The following ROR2 variants were observed in gnomAD, a reference collection of about 807,000 sequenced individuals.
The protein encoded by ROR2 is tyrosine-protein kinase transmembrane receptor ROR2.
ROR2 carries 33 observed loss-of-function variants against 74.9 expected under a neutral mutation model. The ratio of observed to expected loss-of-function variants is 0.44; its 90% CI spans 0.33 to 0.59. The LOEUF is 0.59. Ranked by LOEUF, ROR2 falls within the 20% of genes least tolerant of loss-of-function variation. The pLI is 0.02. For missense variants in ROR2, 1,216 were observed against 1,313.8 expected, an observed-to-expected ratio of 0.93 and a Z score of 1.15; for synonymous variants, 586 against 558.7, an observed-to-expected ratio of 1.05 and a Z score of -0.69.
rs73654048 is a variant in ROR2 at position 91,733,458 on chromosome 9, C to T, written c.623-22G>A. 4.3e-3 allele frequency: 6,911 copies of T among 1,603,962 alleles called. 263 individuals are homozygous for T. In the African/African-American group the frequency reaches 0.078, roughly 18 times the overall value. On this transcript the variant is annotated intron_variant, in intron 5 of 8. Coordinates refer to ENST00000375708, the MANE Select transcript of ROR2 (RefSeq NM_004560.4). The surrounding 1 kb of genome is among the most constrained non-coding windows in gnomAD (Gnocchi z 5.7). ...GCCGCTGCAGAGCCCGCGAGACTCGCGTTAGCGGGGGACCCACCTTGCGCC... is the reference window on the plus strand; with the variant it reads ...GCCGCTGCAGAGCCCGCGAGACTCGTGTTAGCGGGGGACCCACCTTGCGCC...
At chr9:91,753,700 G>C (rs1167062986) in intron 4 of ROR2, among the ~76,000 whole-genome samples, 1 of 151,644 alleles carries the variant, frequency 6.6e-6, no homozygotes, top group East Asian at 1.9e-4. Context: ...CTCTGCACAT[G>C]AGTCCAGAAA....
intron 1 of ROR2, among the ~76,000 whole-genome samples, chr9:91,916,169 T>C (rs902435197): frequency 7.2e-5 from 11 of 152,070 alleles, no homozygotes; most frequent in Non-Finnish European, 1.5e-4. Context: ...GCAGCCAAAG[T>C]TGTCTTGATC....
At chr9:91,761,190 T>A (rs187330597) in intron 2 of ROR2, among the ~76,000 whole-genome samples, 24 of 152,274 alleles carry the variant, frequency 1.6e-4, no homozygotes, top group African/African-American at 5.8e-4. Context: ...AGGTTTCCAA[T>A]GAAACCAACC....
chr9:91,830,791 A>T (rs528709220), intron 1 of ROR2, among the ~76,000 whole-genome samples: 2 of 149,704 alleles, frequency 1.3e-5, no homozygotes, highest in South Asian at 4.3e-4. Context: ...CATTTTACCA[A>T]AACTAAATAA....
intron 1 of ROR2, among the ~76,000 whole-genome samples, chr9:91,919,471 A>C (rs554659392): frequency 2.0e-3 from 301 of 152,370 alleles, no homozygotes; most frequent in Non-Finnish European, 3.7e-3. Flanking sequence ...GCACTGGACC[A>C]TCTGAATCCA....
chr9:91,803,864 G>T (rs1466345919), intron 1 of ROR2, among the ~76,000 whole-genome samples: 2 of 152,226 alleles, frequency 1.3e-5, no homozygotes, highest in Admixed American at 6.5e-5. Context: ...TGCAAGTCCT[G>T]CTTCATGGTA....
At chr9:91,833,604 A>G (rs1828531328) in intron 1 of ROR2, among the ~76,000 whole-genome samples, 1 of 151,888 alleles carries the variant, frequency 6.6e-6, no homozygotes, top group Non-Finnish European at 1.5e-5. Context: ...ATGACCCCCT[A>G]TCGAAGAGAA....
chr9:91,866,417 CTTTTTT>C (rs59024037), intron 1 of ROR2, among the ~76,000 whole-genome samples: 4 of 103,884 alleles, frequency 3.9e-5, no homozygotes, highest in African/African-American at 1.2e-4. Context: ...CACGCCCAGT[CTTTTTT>C]TTTTTTTTTT....
chr9:91,881,992 AC>A (rs1830123907), intron 1 of ROR2, among the ~76,000 whole-genome samples: 1 of 152,176 alleles, frequency 6.6e-6, no homozygotes, highest in South Asian at 2.1e-4. Flanking sequence ...GTAGGGTTCC[AC>A]ACAGGAGCCA....
intron 1 of ROR2, among the ~76,000 whole-genome samples, chr9:91,817,766 G>C (rs1268521360): frequency 1.3e-5 from 2 of 152,046 alleles, no homozygotes; most frequent in Admixed American, 1.3e-4. Context: ...TGGGTTTAAC[G>C]ACAGTGATTA....
chr9:91,910,636 TG>T (rs1232203255), intron 1 of ROR2, among the ~76,000 whole-genome samples: 6 of 151,878 alleles, frequency 4.0e-5, no homozygotes, highest in Non-Finnish European at 7.4e-5. Flanking sequence ...CAAAGAAAAT[TG>T]GTTTTCATTA....
intron 1 of ROR2, among the ~76,000 whole-genome samples, chr9:91,912,949 C>T (rs543202618): frequency 3.2e-4 from 48 of 152,054 alleles, no homozygotes; most frequent in Non-Finnish European, 6.3e-4. Flanking sequence ...CCCAACATGG[C>T]GAAACCCTGT....
chr9:91,790,464 C>T (rs944257308), intron 1 of ROR2, among the ~76,000 whole-genome samples: 7 of 150,984 alleles, frequency 4.6e-5, no homozygotes, highest in African/African-American at 1.5e-4. Flanking sequence ...GAGCCAAGAT[C>T]GCGCCACTGC....
In ROR2 at chr9:91,724,668, T is replaced by G; in HGVS notation, c.1826A>C (p.His609Pro). 1 of 1,614,154 alleles carries G rather than the reference T, an allele frequency of 6.2e-7. No homozygotes were observed. The highest frequency in any genetic ancestry group is 1.1e-5 in the South Asian group (1 of 91,082). The change falls in exon 9 of 9, where the codon CAC becomes CCC. Residue 609 changes from histidine to proline, a missense_variant. Transcript: ENST00000375708. ...IAAGMEYLSSHHVVHKDLATR... is the reference protein window; with the variant it reads ...IAAGMEYLSSPHVVHKDLATR... ...GGCCAGGTCCTTGTGAACCACGTGG[T>G]GGCTGGATAGGTACTCCATCCCCGC...
chr9:91,793,254 T>C (rs1827060992), intron 1 of ROR2, among the ~76,000 whole-genome samples: 1 of 152,058 alleles, frequency 6.6e-6, no homozygotes. Context: ...AGGATGGAAT[T>C]TGAGAATAGA....
At position 91,724,040 on chromosome 9, in the gene ROR2, G is replaced by A. The variant is rs148220610; in HGVS notation, c.2454C>T (p.Tyr818=). The change falls in exon 9 of 9, where the codon TAC becomes TAT. Residue 818 remains tyrosine (Y), a synonymous_variant. Coordinates refer to ENST00000375708, the MANE Select transcript of ROR2 (RefSeq NM_004560.4). ...CCGGCTGGTAGCCGTTGACGGGGACGTAGAGCTGCGGCGGGGGCACCATGG... is the reference window on the plus strand; with the variant it reads ...CCGGCTGGTAGCCGTTGACGGGGACATAGAGCTGCGGCGGGGGCACCATGG... ...IRPMVPPPQL[Y]VPVNGYQPVP... is the part of the protein sequence containing the mutation. 6.6e-5 allele frequency: 106 copies of A among 1,611,572 alleles called. No individual in the cohort carries two copies. Among genetic ancestry groups the A allele is most frequent in the Non-Finnish European group, 7.9e-5 (93 of 1,179,772 alleles).
intron 1 of ROR2, among the ~76,000 whole-genome samples, chr9:91,841,833 A>G (rs1828791644): frequency 6.6e-6 from 1 of 152,160 alleles, no homozygotes; most frequent in Admixed American, 6.5e-5. Context: ...TTCTTATATT[A>G]ATGGCACCTC....
At chr9:91,739,472 C>T (rs2118739682) in intron 4 of ROR2, among the ~76,000 whole-genome samples, 1 of 146,620 alleles carries the variant, frequency 6.8e-6, no homozygotes, top group East Asian at 2.0e-4. Flanking sequence ...AACTACTGGG[C>T]TCCAGCCTGG....
chr9:91,881,007 G>A (rs762928792), intron 1 of ROR2, among the ~76,000 whole-genome samples: 5 of 152,166 alleles, frequency 3.3e-5, no homozygotes, highest in Non-Finnish European at 5.9e-5. Context: ...GTTCTTGTTT[G>A]TAGAAAATAC....
Sources: allele counts gnomAD v4.1 joint callset (sites outside exome capture counted in the v4.1 genomes callset), GRCh38; gene constraint gnomAD v4.1.1; non-coding constraint Gnocchi (gnomAD v3.1); transcripts MANE v1.5; gene names NCBI Gene and HGNC (gene_info 2026-07-23, HGNC 2026-07-21).